The following RGS6 variants were observed in gnomAD, a reference collection of about 807,000 sequenced individuals.
RGS6 encodes regulator of G-protein signaling 6.
RGS6 carries 30 observed loss-of-function variants against 78.5 expected under a neutral mutation model. The ratio of observed to expected loss-of-function variants is 0.38; its 90% CI spans 0.29 to 0.52. RGS6 has a LOEUF of 0.52. RGS6 is among the 20% of genes least tolerant of loss of function. The pLI, the probability that RGS6 is intolerant of heterozygous loss-of-function variation, is 0.85. For synonymous variants in RGS6, 206 were observed against 206.0 expected, an observed-to-expected ratio of 1.00 and a Z score of 0.00; for missense variants, 495 against 609.7, an observed-to-expected ratio of 0.81 and a Z score of 1.98.
At chr14:72,611,545 G>A in the RGS6 span, among the ~76,000 whole-genome samples, 2 of 151,862 alleles carry the variant, frequency 1.3e-5, no homozygotes, top group African/African-American at 4.8e-5. Context: ...GCTTTCTCTA[G>A]CAGGGAAAAG....
intron 2 of RGS6, among the ~76,000 whole-genome samples, chr14:72,169,367 C>T (rs1169258237): frequency 1.3e-5 from 2 of 152,170 alleles, no homozygotes; most frequent in East Asian, 3.9e-4. Context: ...AATCTAATCT[C>T]TAGAGAAGGA....
At chr14:71,930,977 CAAAAAAAAAAAAAAAAAAAAAAAAAA>C (rs58649273), upstream of RGS6, among the ~76,000 whole-genome samples, 7 of 16,648 alleles carry the variant, frequency 4.2e-4, no homozygotes, top group South Asian at 0.013. Flanking sequence ...AACTACGTCT[CAAAAAAAAAAAAAAAAAAAAAAAAAA>C]AAAAAAAAAA....
chr14:71,915,336 A>G, the RGS6 span, among the ~76,000 whole-genome samples: 1 of 151,918 alleles, frequency 6.6e-6, no homozygotes, highest in Middle Eastern at 3.4e-3. Flanking sequence ...ACCTTTCCCC[A>G]TTTGATGGGA....
At chr14:72,138,289 G>C (rs2096480139) in intron 2 of RGS6, among the ~76,000 whole-genome samples, 2 of 152,054 alleles carry the variant, frequency 1.3e-5, no homozygotes, top group African/African-American at 4.8e-5. Context: ...AACCTGCGGA[G>C]ATGGAGAAGT....
At chr14:72,452,231 TC>T (rs2095513866) in intron 3 of RGS6, among the ~76,000 whole-genome samples, 1 of 132,628 alleles carries the variant, frequency 7.5e-6, no homozygotes, top group Non-Finnish European at 1.5e-5. Flanking sequence ...TCATTCTCTC[TC>T]TCTCTCTCTC....
intron 1 of RGS6, among the ~76,000 whole-genome samples, chr14:71,962,714 A>G (rs1246571027): frequency 1.3e-5 from 2 of 152,236 alleles, no homozygotes; most frequent in African/African-American, 2.4e-5. Flanking sequence ...ATTTTAAAAA[A>G]CATTGTAATT....
At chr14:72,278,925 CT>C (rs1205539602) in intron 2 of RGS6, among the ~76,000 whole-genome samples, 2 of 152,074 alleles carry the variant, frequency 1.3e-5, no homozygotes, top group African/African-American at 4.8e-5. Context: ...GCAGTGCCCT[CT>C]TGTTGTGTGC....
rs754229490 is a variant in RGS6, at chr14:72,355,778, G to C, written c.184+3584G>C. On this transcript the variant is annotated intron_variant, in intron 3 of 17. Coordinates refer to ENST00000553525, the MANE Select transcript of RGS6 (RefSeq NM_001204424.2). ...AGCTCCTCGAGAAGATGACATTTGA[G>C]TAAAGACGGAAAGGAGATGAGGGAT... is the stretch of plus-strand genomic sequence containing the variant. 4.5e-4 allele frequency among the ~76,000 whole-genome samples: 69 copies of C among 152,148 alleles called. 2 individuals are homozygous for C. Among genetic ancestry groups the C allele is most frequent in the Non-Finnish European group, 1.8e-4 (12 of 68,034 alleles).
intron 2 of RGS6, among the ~76,000 whole-genome samples, chr14:72,046,717 A>G (rs2092874583): frequency 6.6e-6 from 1 of 151,960 alleles, no homozygotes. Flanking sequence ...TTATATTAGC[A>G]TTAGAAGTAT....
intron 2 of RGS6, among the ~76,000 whole-genome samples, chr14:71,995,386 C>T (rs1380775626): frequency 6.6e-6 from 1 of 152,230 alleles, no homozygotes; most frequent in Non-Finnish European, 1.5e-5. Flanking sequence ...ATGCCAGACC[C>T]TGTGGGCATT....
chr14:72,548,128 C>A (rs550065957), intron 17 of RGS6, among the ~76,000 whole-genome samples: 14 of 152,014 alleles, frequency 9.2e-5, no homozygotes, highest in Non-Finnish European at 1.8e-4. Flanking sequence ...AGTCTCTGAG[C>A]GGGCCACAAG....
the RGS6 span, among the ~76,000 whole-genome samples, chr14:71,872,328 A>G: frequency 1.3e-5 from 2 of 152,122 alleles, no homozygotes; most frequent in African/African-American, 4.8e-5. Flanking sequence ...AGTTTCCAGG[A>G]CTAGGTTTGC....
At chr14:71,931,750 TAAAG>T (rs2087880188), upstream of RGS6, among the ~76,000 whole-genome samples, 1 of 152,216 alleles carries the variant, frequency 6.6e-6, no homozygotes, top group Admixed American at 6.5e-5. Flanking sequence ...ACTCCCACGT[TAAAG>T]AAAGGCATCA....
intron 3 of RGS6, among the ~76,000 whole-genome samples, chr14:72,402,190 C>G (rs148253392): frequency 6.6e-6 from 1 of 152,286 alleles, no homozygotes; most frequent in African/African-American, 2.4e-5. Context: ...TCCATTCCGT[C>G]CAAGATCTCT....
intron 2 of RGS6, among the ~76,000 whole-genome samples, chr14:72,137,664 C>T (rs2096466272): frequency 6.6e-6 from 1 of 152,170 alleles, no homozygotes; most frequent in African/African-American, 2.4e-5. Context: ...AAGTGGACAG[C>T]CAGATGAAGA....
chr14:72,277,771 T>C (rs2153942346), intron 2 of RGS6, among the ~76,000 whole-genome samples: 1 of 151,820 alleles, frequency 6.6e-6, no homozygotes, highest in Admixed American at 6.6e-5. Flanking sequence ...CTACCAAAAA[T>C]ACAAAAATTA....
At chr14:71,966,304 C>T (rs2093508354) in intron 2 of RGS6, among the ~76,000 whole-genome samples, 1 of 152,116 alleles carries the variant, frequency 6.6e-6, no homozygotes, top group South Asian at 2.1e-4. Flanking sequence ...ATAGAGTTCT[C>T]AAATTATTCT....
chr14:72,238,232 T>A (rs1242185488), intron 2 of RGS6, among the ~76,000 whole-genome samples: 1 of 152,056 alleles, frequency 6.6e-6, no homozygotes, highest in Non-Finnish European at 1.5e-5. Flanking sequence ...CAGCTGCTTG[T>A]CTCTCTGCCA....
intron 2 of RGS6, among the ~76,000 whole-genome samples, chr14:72,144,952 G>T (rs183256126): frequency 9.2e-5 from 14 of 152,190 alleles, no homozygotes; most frequent in Admixed American, 5.2e-4. Flanking sequence ...AGATAATTTG[G>T]CAGGTAGGGG....
Sources: gnomAD v4.1 joint callset for allele counts (sites outside exome capture counted in the v4.1 genomes callset) on GRCh38, gnomAD v4.1.1 for gene constraint, MANE v1.5 for transcripts, NCBI Gene and HGNC (gene_info 2026-07-23, HGNC 2026-07-21) for gene names.